Variants in MCPH1 observed in about 807,000 individuals in gnomAD.
MCPH1 encodes microcephalin.
MCPH1 carries 104 observed loss-of-function variants against 84.5 expected under a neutral mutation model. The observed-to-expected ratio is 1.23, with a 90% CI of 1.05 to 1.45. MCPH1 has a LOEUF of 1.45. Ranked by LOEUF, MCPH1 falls within the 40% of genes most tolerant of loss-of-function variation. The pLI, the probability that MCPH1 is intolerant of heterozygous loss-of-function variation, is 0.00. For missense variants in MCPH1, 1,498 were observed against 1,005.7 expected (o/e 1.49, Z -6.62); for synonymous variants, 514 against 366.8 (o/e 1.40, Z -4.58).
chr8:6,410,216 C>A (rs866475859), intron 2 of MCPH1, among the ~76,000 whole-genome samples: 1 of 151,830 alleles, frequency 6.6e-6, no homozygotes, highest in Non-Finnish European at 1.5e-5. Flanking sequence ...TCTCGTGATC[C>A]GCCCACCTCG....
At chr8:6,431,994 G>T (rs886124651) in intron 4 of MCPH1, among the ~76,000 whole-genome samples, 2 of 152,196 alleles carry the variant, frequency 1.3e-5, no homozygotes, top group Non-Finnish European at 2.9e-5. Flanking sequence ...AAAATCTGCT[G>T]TACAAATACA....
intron 12 of MCPH1, among the ~76,000 whole-genome samples, chr8:6,578,945 A>C (rs1827331448): frequency 6.6e-6 from 1 of 152,216 alleles, no homozygotes; most frequent in Non-Finnish European, 1.5e-5. Flanking sequence ...TTCGTTCATA[A>C]ATGGCCTGGA....
chr8:6,519,515 C>T (rs949135086), intron 12 of MCPH1, among the ~76,000 whole-genome samples: 1 of 152,146 alleles, frequency 6.6e-6, no homozygotes, highest in African/African-American at 2.4e-5. Flanking sequence ...GTTGTTCAAC[C>T]TTCAGTTTTT....
At chr8:6,582,484 T>A (rs527781000) in intron 12 of MCPH1, among the ~76,000 whole-genome samples, 1 of 152,342 alleles carries the variant, frequency 6.6e-6, no homozygotes, top group South Asian at 2.1e-4. Flanking sequence ...AGAATCGGAT[T>A]AATTAGAGTC....
intron 13 of MCPH1, among the ~76,000 whole-genome samples, chr8:6,623,687 C>CA (rs1831727513): frequency 5.9e-5 from 1 of 17,032 alleles, no homozygotes; most frequent in Non-Finnish European, 9.8e-5. Flanking sequence ...AAACCAACTT[C>CA]CAAAAAAAAA....
chr8:6,605,881 A>G (rs898061501), intron 12 of MCPH1, among the ~76,000 whole-genome samples: 5 of 152,226 alleles, frequency 3.3e-5, no homozygotes, highest in Non-Finnish European at 5.9e-5. Context: ...TATTTTTAGT[A>G]AAGATGGGTT....
intron 3 of MCPH1, among the ~76,000 whole-genome samples, chr8:6,423,947 C>G (rs1219887872): frequency 6.6e-6 from 1 of 152,130 alleles, no homozygotes; most frequent in Admixed American, 6.5e-5. Flanking sequence ...TTTTCTTCAG[C>G]AGAGCATAGA....
chr8:6,441,591 C>G (rs756325268), intron 6 of MCPH1, among the ~76,000 whole-genome samples: 1 of 152,160 alleles, frequency 6.6e-6, no homozygotes, highest in South Asian at 2.1e-4. Context: ...ATTTCTCAAC[C>G]CAGCACAGCT....
chr8:6,455,009 C>G (rs1264928488), intron 8 of MCPH1, 134 bp from the exon 9 acceptor site: 1 of 704,132 alleles, frequency 1.4e-6, no homozygotes, highest in Non-Finnish European at 2.5e-6. Context: ...TCTCAAAGAG[C>G]CAGATATATA....
At chr8:6,628,485 A>C (rs960663064) in intron 13 of MCPH1, among the ~76,000 whole-genome samples, 9 of 151,522 alleles carry the variant, frequency 5.9e-5, no homozygotes, top group East Asian at 1.9e-4. Flanking sequence ...AAAAAAAAAA[A>C]AAAAAAAAAC....
At position 6,505,396 on chromosome 8, in the gene MCPH1, T is replaced by TATTCTTTATATACATAA. The variant is rs1563306810; in HGVS notation, c.2214+5468_2214+5469insTTCTTTATATACATAAA. On this transcript the variant is annotated intron_variant, in intron 12 of 13. Coordinates refer to ENST00000344683, the MANE Select transcript of MCPH1 (RefSeq NM_024596.5). The stretch of plus-strand genomic sequence containing the variant: ...TATATATATTCTTTCTATATGTATA[T>TATTCTTTATATACATAA]AGAATATATATATTCTTTATATACA... Among the ~76,000 whole-genome samples the TATTCTTTATATACATAA allele has an allele frequency of 4.3e-3, 240 of 55,774 alleles. 34 individuals carry two copies. Among genetic ancestry groups the TATTCTTTATATACATAA allele is most frequent in the African/African-American group, 0.014 (227 of 16,222 alleles). The allele number at this position is 55,774 out of a possible 152,430, so 36.6% of individuals were successfully genotyped here.
Position 6,480,883 on chromosome 8 carries a change from C to A in MCPH1, c.2136+7C>A. On this transcript the variant is annotated splice_region_variant and intron_variant, in intron 11 of 13. Transcript: ENST00000344683. ...GGTTCTCTCTTATGATTGGGTAAGC[C>A]CTGTGTGTGAACTGCGTATTTTAAA... 6.2e-7 allele frequency: 1 copy of A among 1,613,674 alleles called. No individual in the cohort carries two copies. Among genetic ancestry groups the A allele is most frequent in the Non-Finnish European group, 8.5e-7 (1 of 1,180,020 alleles).
At chr8:6,559,803 G>A (rs975287274) in intron 12 of MCPH1, among the ~76,000 whole-genome samples, 4 of 152,216 alleles carry the variant, frequency 2.6e-5, no homozygotes, top group Non-Finnish European at 5.9e-5. Flanking sequence ...TAGCAAGAGA[G>A]ACGTAGCATG....
intron 12 of MCPH1, among the ~76,000 whole-genome samples, chr8:6,515,902 C>T (rs1368241273): frequency 2.0e-5 from 3 of 152,162 alleles, no homozygotes; most frequent in African/African-American, 7.2e-5. Context: ...GAGTGCTATT[C>T]CTGTTCTTTC....
intron 6 of MCPH1, among the ~76,000 whole-genome samples, chr8:6,441,740 T>C (rs1803547756): frequency 1.3e-5 from 2 of 152,198 alleles, no homozygotes; most frequent in African/African-American, 4.8e-5. Context: ...CAAAAATGTG[T>C]CCAGACATTA....
At chr8:6,442,558 A>G (rs190659370) in intron 7 of MCPH1, among the ~76,000 whole-genome samples, 10 of 152,342 alleles carry the variant, frequency 6.6e-5, no homozygotes, top group East Asian at 5.8e-4. Flanking sequence ...AAGATCGTCA[A>G]TTGAGGAGAT....
At chr8:6,568,483 T>G (rs1410283840) in intron 12 of MCPH1, among the ~76,000 whole-genome samples, 1 of 152,220 alleles carries the variant, frequency 6.6e-6, no homozygotes, top group Non-Finnish European at 1.5e-5. Flanking sequence ...CCGTGACCCC[T>G]GCTGTTGTCC....
intron 13 of MCPH1, 71 bp from the exon 14 acceptor site, chr8:6,642,923 A>C: frequency 7.1e-7 from 1 of 1,409,026 alleles, no homozygotes; most frequent in Non-Finnish European, 1.0e-6. Context: ...TCATGTATAT[A>C]CAAACAGGTT....
intron 1 of MCPH1, among the ~76,000 whole-genome samples, chr8:6,408,149 C>G (rs918424193): frequency 2.6e-5 from 4 of 152,202 alleles, no homozygotes; most frequent in Non-Finnish European, 1.5e-5. Flanking sequence ...CAAATGTAAA[C>G]TCTCATGTAT....
Sources: gnomAD v4.1 joint callset for allele counts (sites outside exome capture counted in the v4.1 genomes callset) on GRCh38, gnomAD v4.1.1 for gene constraint, MANE v1.5 for transcripts, NCBI Gene and HGNC (gene_info 2026-07-23, HGNC 2026-07-21) for gene names.